RHBDD1: variants seen among roughly 807,000 people sequenced by gnomAD.
RHBDD1 encodes the protein rhomboid domain containing 1.
In RHBDD1, 38 loss-of-function variants were observed where a neutral mutation model predicts 36.3. The observed-to-expected ratio is 1.05, with a 90% CI of 0.81 to 1.37. RHBDD1 has a LOEUF of 1.37. Ranked by LOEUF, RHBDD1 falls within the 40% of genes most tolerant of loss-of-function variation. RHBDD1 has a pLI of 0.00. For synonymous variants in RHBDD1, 151 were observed against 136.5 expected (o/e 1.11, Z -0.74); for missense variants, 393 against 377.6 (o/e 1.04, Z -0.34).
In RHBDD1 at chr2:226,977,242, C is replaced by G. The variant is rs1187820863; in HGVS notation, c.857-18189C>G. Among the ~76,000 whole-genome samples, 7 of 152,172 alleles carry G rather than the reference C, an allele frequency of 4.6e-5. No individual in the cohort carries two copies. In the East Asian group the frequency reaches 9.6e-4, roughly 21 times the overall value. ...TGTGTCTCCCCTTCGGCAAGCTCCC[C>G]CTCCCTTTAGTTTTGCATTTAACAC... On this transcript the variant is annotated intron_variant, in intron 8 of 8. Transcript: ENST00000392062.
At chr2:226,966,285 C>G (rs1952622820) in intron 8 of RHBDD1, among the ~76,000 whole-genome samples, 1 of 152,178 alleles carries the variant, frequency 6.6e-6, no homozygotes, top group Non-Finnish European at 1.5e-5. Flanking sequence ...TCTGTCCTTG[C>G]ACTCTTCACC....
At chr2:226,993,897 C>T (rs886257792) in intron 8 of RHBDD1, among the ~76,000 whole-genome samples, 4 of 152,186 alleles carry the variant, frequency 2.6e-5, no homozygotes, top group African/African-American at 9.7e-5. Context: ...CATAGATGGA[C>T]ACATCTTTGA....
chr2:226,900,807 GGAGT>G (rs1339260943), intron 5 of RHBDD1, among the ~76,000 whole-genome samples: 4 of 152,134 alleles, frequency 2.6e-5, no homozygotes, highest in Admixed American at 2.0e-4. Context: ...TACACATTGT[GGAGT>G]GAGTACCATG....
the RHBDD1 span, among the ~76,000 whole-genome samples, chr2:226,805,403 G>C: frequency 9.2e-5 from 14 of 152,194 alleles, no homozygotes; most frequent in Non-Finnish European, 1.5e-5. Flanking sequence ...AGTAGATACG[G>C]AGTTTCACCA....
the RHBDD1 span, among the ~76,000 whole-genome samples, chr2:226,822,373 G>A: frequency 6.6e-6 from 1 of 152,222 alleles, no homozygotes; most frequent in South Asian, 2.1e-4. Context: ...GGTGGCTCAC[G>A]CCTGTAATCC....
At chr2:226,923,244 T>C (rs1934641913) in intron 8 of RHBDD1, among the ~76,000 whole-genome samples, 1 of 152,138 alleles carries the variant, frequency 6.6e-6, no homozygotes, top group South Asian at 2.1e-4. Flanking sequence ...TCTTGGGAAA[T>C]TTTTTATTTT....
At chr2:226,891,856 G>T (rs977579136) in intron 5 of RHBDD1, among the ~76,000 whole-genome samples, 1 of 152,330 alleles carries the variant, frequency 6.6e-6, no homozygotes, top group South Asian at 2.1e-4. Flanking sequence ...GATGCTTGTT[G>T]CCATTGGTCA....
the RHBDD1 span, among the ~76,000 whole-genome samples, chr2:226,814,213 A>G: frequency 6.6e-6 from 1 of 152,162 alleles, no homozygotes; most frequent in Non-Finnish European, 1.5e-5. Context: ...GGGATCATAC[A>G]TTTAAAGCAT....
intron 8 of RHBDD1, among the ~76,000 whole-genome samples, chr2:226,972,536 G>A (rs1953741010): frequency 6.6e-6 from 1 of 152,208 alleles, no homozygotes; most frequent in Non-Finnish European, 1.5e-5. Flanking sequence ...TCACTAGATG[G>A]CACCAGGGCA....
At chr2:226,880,577 C>T (rs983047995) in intron 5 of RHBDD1, among the ~76,000 whole-genome samples, 2 of 152,146 alleles carry the variant, frequency 1.3e-5, no homozygotes, top group Non-Finnish European at 2.9e-5. Flanking sequence ...TATTAATCAA[C>T]TCTCCCTTTG....
intron 8 of RHBDD1, among the ~76,000 whole-genome samples, chr2:226,922,649 A>T (rs1199874341): frequency 6.6e-6 from 1 of 151,888 alleles, no homozygotes; most frequent in Non-Finnish European, 1.5e-5. Context: ...TACTCCTACC[A>T]TTTTGTTATT....
In RHBDD1 at chr2:226,988,502, C is replaced by T. The variant is rs146393599; in HGVS notation, c.857-6929C>T. ...AGTGGAGTTGAGCAAAGACTCAGGC[C>T]TTGCGAGGTGGATAGCAGCTGCCCG... On this transcript the variant is annotated intron_variant, in intron 8 of 8. Coordinates refer to ENST00000392062, the MANE Select transcript of RHBDD1 (RefSeq NM_001167608.3). The T allele has an allele frequency of 1.2e-3, 1,830 of 1,528,586 alleles. 16 individuals carry two copies. The African/African-American group carries it at 0.022, about 18-fold the overall frequency. 94.7% of individuals were successfully genotyped at this position (1,528,586 alleles called of 1,614,324 possible).
At chr2:226,902,442 C>A (rs534573758) in intron 5 of RHBDD1, among the ~76,000 whole-genome samples, 2 of 152,266 alleles carry the variant, frequency 1.3e-5, no homozygotes, top group Admixed American at 1.3e-4. Context: ...CAGTTTTCTC[C>A]CTGTCTGCAG....
At chr2:226,871,569 C>G (rs1261430420) in intron 5 of RHBDD1, among the ~76,000 whole-genome samples, 1 of 152,196 alleles carries the variant, frequency 6.6e-6, no homozygotes, top group East Asian at 1.9e-4. Context: ...CTAAGACGGT[C>G]TTCCCACCTT....
chr2:226,893,600 G>A (rs1172840655), intron 5 of RHBDD1, among the ~76,000 whole-genome samples: 2 of 152,122 alleles, frequency 1.3e-5, no homozygotes, highest in Non-Finnish European at 2.9e-5. Flanking sequence ...AAATAGTTTC[G>A]AAGCCTCATG....
At chr2:226,916,199 A>G (rs967322760) in intron 8 of RHBDD1, among the ~76,000 whole-genome samples, 1 of 152,228 alleles carries the variant, frequency 6.6e-6, no homozygotes, top group Admixed American at 6.5e-5. Flanking sequence ...TTCATGGGAT[A>G]GGGAGATAGT....
chr2:226,958,977 G>A (rs1418117766), intron 8 of RHBDD1, among the ~76,000 whole-genome samples: 1 of 152,040 alleles, frequency 6.6e-6, no homozygotes, highest in Non-Finnish European at 1.5e-5. Context: ...AAACCTCAAG[G>A]ATCATAATGT....
the RHBDD1 span, among the ~76,000 whole-genome samples, chr2:226,809,389 T>C: frequency 6.6e-6 from 1 of 152,262 alleles, no homozygotes; most frequent in Non-Finnish European, 1.5e-5. Flanking sequence ...GTTTATGATC[T>C]GACTGAATTC....
intron 8 of RHBDD1, among the ~76,000 whole-genome samples, chr2:226,986,148 T>C (rs764777550): frequency 1.3e-5 from 2 of 152,198 alleles, no homozygotes; most frequent in Non-Finnish European, 2.9e-5. Context: ...CTTCACGATA[T>C]CTGTCTGCTA....
Sources: allele counts gnomAD v4.1 joint callset (sites outside exome capture counted in the v4.1 genomes callset), GRCh38; gene constraint gnomAD v4.1.1; transcripts MANE v1.5; gene names NCBI Gene and HGNC (gene_info 2026-07-23, HGNC 2026-07-21).